The following GLIS3 variants were observed in gnomAD, a reference collection of about 807,000 sequenced individuals.
The protein encoded by GLIS3 is zinc finger protein GLIS3.
In GLIS3, 53 loss-of-function variants were observed where a neutral mutation model predicts 78.6. That is an observed-to-expected ratio of 0.67 (90% CI 0.54 to 0.85). The LOEUF (loss-of-function observed/expected upper bound fraction) is 0.85. GLIS3 is among the 40% of genes least tolerant of loss of function. The probability of loss-of-function intolerance (pLI) is 0.00; values close to 1 mark genes in which losing one functional copy is unlikely to be tolerated. For synonymous variants in GLIS3, 684 were observed against 509.9 expected (o/e 1.34, Z -4.60); for missense variants, 1,703 against 1,231.1 (o/e 1.38, Z -5.74).
In GLIS3 at chr9:3,953,771, C is replaced by A. The variant is rs1234428035; in HGVS notation, c.1711-16582G>T. 7.2e-3 allele frequency among the ~76,000 whole-genome samples: 250 copies of A among 34,820 alleles called. 1 individual carries two copies. Among genetic ancestry groups the A allele is most frequent in the African/African-American group, 0.028 (239 of 8,518 alleles). The allele number at this position is 34,820 out of a possible 152,430, so 22.8% of individuals were successfully genotyped here. ...TGATAATTAGATTTGCTCTCTCTCTCTCTCTCTCTCTCTCTCTCTCTCTCT... is the reference window on the plus strand; with the variant it reads ...TGATAATTAGATTTGCTCTCTCTCTATCTCTCTCTCTCTCTCTCTCTCTCT... On this transcript the variant is annotated intron_variant, in intron 4 of 10. Transcript: ENST00000381971.
At chr9:4,208,250 A>T (rs1420439365) in intron 2 of GLIS3, among the ~76,000 whole-genome samples, 2 of 152,212 alleles carry the variant, frequency 1.3e-5, no homozygotes, top group African/African-American at 2.4e-5. Flanking sequence ...TCCCCAAGTT[A>T]AATGACAAAG....
chr9:4,325,534 T>G (rs974154736), intron 2 of GLIS3, among the ~76,000 whole-genome samples: 4 of 152,198 alleles, frequency 2.6e-5, no homozygotes, highest in Non-Finnish European at 4.4e-5. Flanking sequence ...CTCTCGATTC[T>G]CCTATGATTC....
intron 6 of GLIS3, among the ~76,000 whole-genome samples, chr9:3,929,779 T>G (rs2130768366): frequency 6.6e-6 from 1 of 152,362 alleles, no homozygotes; most frequent in African/African-American, 2.4e-5. Context: ...TATTTTTGAT[T>G]AATTCACATT....
chr9:4,090,140 C>A (rs898492622), intron 4 of GLIS3, among the ~76,000 whole-genome samples: 7 of 152,128 alleles, frequency 4.6e-5, no homozygotes, highest in African/African-American at 1.7e-4. Context: ...ATCCCTAAAA[C>A]CCATTTTAGG....
intron 2 of GLIS3, among the ~76,000 whole-genome samples, chr9:4,214,542 T>G (rs1202372009): frequency 1.3e-5 from 2 of 152,044 alleles, no homozygotes; most frequent in African/African-American, 4.8e-5. Context: ...CTCCCCAAGC[T>G]CCCACGCCAG....
At chr9:4,487,108 T>G in the GLIS3 span, among the ~76,000 whole-genome samples, 1 of 152,212 alleles carries the variant, frequency 6.6e-6, no homozygotes, top group South Asian at 2.1e-4. Context: ...CAAGCGATTC[T>G]CCTGCCTCAG....
intron 4 of GLIS3, among the ~76,000 whole-genome samples, chr9:4,088,010 C>A (rs958588247): frequency 1.3e-5 from 2 of 152,244 alleles, no homozygotes; most frequent in Admixed American, 6.5e-5. Flanking sequence ...CATGCACTAA[C>A]AACTCCTCAA....
At chr9:4,044,572 T>C (rs1825094727) in intron 4 of GLIS3, among the ~76,000 whole-genome samples, 1 of 151,988 alleles carries the variant, frequency 6.6e-6, no homozygotes, top group Admixed American at 6.6e-5. Context: ...GAAAGAGCTT[T>C]TTGCTGGCCA....
At chr9:4,476,733 A>G in the GLIS3 span, among the ~76,000 whole-genome samples, 9 of 152,144 alleles carry the variant, frequency 5.9e-5, no homozygotes, top group South Asian at 1.7e-3. Flanking sequence ...TTATAGTATT[A>G]GGAAATAAGT....
At chr9:4,282,699 C>T (rs1827665217) in intron 2 of GLIS3, among the ~76,000 whole-genome samples, 1 of 152,144 alleles carries the variant, frequency 6.6e-6, no homozygotes, top group African/African-American at 2.4e-5. Context: ...GAACCTGCCA[C>T]TCTCCATAAT....
rs867655391 is a variant in GLIS3 at position 3,946,981 on chromosome 9, C to T, written c.1711-9792G>A. ...GGTCAAGCAGTTTCCCACGACGCCA[C>T]GCCTCTGTCGGCCATCCTACAGCCA... On this transcript the variant is annotated intron_variant, in intron 4 of 10. Transcript: ENST00000381971. Among the ~76,000 whole-genome samples the T allele has an allele frequency of 6.3e-5, 9 of 143,256 alleles. No homozygotes were observed. In the South Asian group the frequency reaches 1.3e-3, roughly 21 times the overall value. 94.0% of individuals were successfully genotyped at this position (143,256 alleles called of 152,430 possible). A position where few individuals can be genotyped will look rare whatever the true frequency, so the allele number is the denominator to read the frequency against.
intron 4 of GLIS3, among the ~76,000 whole-genome samples, chr9:4,039,823 G>C (rs546553861): frequency 6.6e-6 from 1 of 152,178 alleles, no homozygotes; most frequent in Non-Finnish European, 1.5e-5. Flanking sequence ...AAGTACTACA[G>C]GAGTTAGAGC....
chr9:3,975,420 G>A (rs1318249816), intron 4 of GLIS3, among the ~76,000 whole-genome samples: 1 of 152,142 alleles, frequency 6.6e-6, no homozygotes, highest in East Asian at 1.9e-4. Context: ...TCAGAACCCT[G>A]TTTAGTAAGA....
rs150861940 is a variant in GLIS3, at chr9:4,286,959, G to A, written c.-98-436C>T. ...AGTAAACAACCACAAAGCAGACATGGCTTCTAAATGAGACTATGGGGACAC... is the reference window on the plus strand; with the variant it reads ...AGTAAACAACCACAAAGCAGACATGACTTCTAAATGAGACTATGGGGACAC... On this transcript the variant is annotated intron_variant, in intron 1 of 10. Transcript: ENST00000381971. Among the ~76,000 whole-genome samples, 6 of 152,268 alleles carry A rather than the reference G, an allele frequency of 3.9e-5. No homozygotes were observed. The East Asian group carries it at 1.2e-3, about 29-fold the overall frequency.
chr9:4,470,649 A>G, the GLIS3 span, among the ~76,000 whole-genome samples: 1 of 152,092 alleles, frequency 6.6e-6, no homozygotes, highest in Non-Finnish European at 1.5e-5. Context: ...CCAATATCAT[A>G]CTGAATGGGC....
At chr9:4,210,307 A>G (rs899899899) in intron 2 of GLIS3, among the ~76,000 whole-genome samples, 1 of 152,216 alleles carries the variant, frequency 6.6e-6, no homozygotes, top group Non-Finnish European at 1.5e-5. Context: ...CCAGAAAGTA[A>G]CCATCAGATT....
chr9:4,085,294 C>A (rs77448463), intron 4 of GLIS3, among the ~76,000 whole-genome samples: 1 of 151,758 alleles, frequency 6.6e-6, no homozygotes, highest in African/African-American at 2.4e-5. Flanking sequence ...TCCATTTAAG[C>A]ATTGATATTT....
chr9:4,204,706 T>G (rs1261674446), intron 2 of GLIS3, among the ~76,000 whole-genome samples: 1 of 151,968 alleles, frequency 6.6e-6, no homozygotes, highest in Non-Finnish European at 1.5e-5. Context: ...CTGCCTGAGC[T>G]CAGGAGTTTG....
upstream of GLIS3, among the ~76,000 whole-genome samples, chr9:4,349,593 A>G (rs774282289): frequency 5.3e-5 from 8 of 152,210 alleles, no homozygotes; most frequent in Non-Finnish European, 1.0e-4. Context: ...TTTAGATTGC[A>G]TTTACTTAGG....
Sources: gnomAD v4.1 joint callset for allele counts (sites outside exome capture counted in the v4.1 genomes callset) on GRCh38, gnomAD v4.1.1 for gene constraint, MANE v1.5 for transcripts, NCBI Gene and HGNC (gene_info 2026-07-23, HGNC 2026-07-21) for gene names.